Variants in FAT3 observed in about 807,000 individuals in gnomAD.
FAT3 encodes the protein FAT atypical cadherin 3.
A neutral mutation model predicts 310.2 loss-of-function variants in FAT3; 95 were observed. The observed-to-expected ratio is 0.31, with a 90% confidence interval of 0.26 to 0.36. The LOEUF (loss-of-function observed/expected upper bound fraction) is 0.36, where lower values mean the gene tolerates loss of function less well. Among genes scored for constraint, FAT3 ranks in the 10% least tolerant of loss-of-function variants. The pLI, the probability that FAT3 is intolerant of heterozygous loss-of-function variation, is 1.00. For missense variants in FAT3, 5,408 were observed against 5,715.6 expected (o/e 0.95, Z 1.74); for synonymous variants, 2,314 against 2,192.9 (o/e 1.06, Z -1.54).
At chr11:92,431,884 C>A (rs924228223) in intron 2 of FAT3, among the ~76,000 whole-genome samples, 5 of 152,118 alleles carry the variant, frequency 3.3e-5, no homozygotes, top group African/African-American at 7.2e-5. Context: ...CAGTACCATG[C>A]TGTTTTGGTT....
At chr11:92,582,832 C>T (rs1384226537) in intron 3 of FAT3, among the ~76,000 whole-genome samples, 1 of 151,970 alleles carries the variant, frequency 6.6e-6, no homozygotes, top group Non-Finnish European at 1.5e-5. Context: ...TTGGAAAATG[C>T]AATACTGTGA....
chr11:92,582,426 T>C (rs978250387), intron 3 of FAT3, among the ~76,000 whole-genome samples: 1 of 152,004 alleles, frequency 6.6e-6, no homozygotes, highest in Non-Finnish European at 1.5e-5. Flanking sequence ...TGTAATATCC[T>C]AAAATATTAT....
chr11:92,805,741 G>T (rs1947490021), intron 11 of FAT3, among the ~76,000 whole-genome samples: 1 of 152,054 alleles, frequency 6.6e-6, no homozygotes. Context: ...TGGCAATGTT[G>T]GTGCTGAACA....
At chr11:92,576,598 C>T (rs1428698415) in intron 3 of FAT3, among the ~76,000 whole-genome samples, 2 of 152,104 alleles carry the variant, frequency 1.3e-5, no homozygotes, top group Non-Finnish European at 2.9e-5. Flanking sequence ...GGGCAAAGCA[C>T]ACTGTTTACA....
chr11:92,410,483 G>A (rs936980671), intron 2 of FAT3, among the ~76,000 whole-genome samples: 2 of 152,128 alleles, frequency 1.3e-5, no homozygotes, highest in African/African-American at 4.8e-5. Context: ...AGATTATGAT[G>A]CGATGCCCTA....
At chr11:92,321,462 T>A (rs1947617652) in intron 1 of FAT3, among the ~76,000 whole-genome samples, 1 of 151,958 alleles carries the variant, frequency 6.6e-6, no homozygotes, top group African/African-American at 2.4e-5. Context: ...TTCTTGGTTG[T>A]TTTTAGGTCT....
intron 7 of FAT3, among the ~76,000 whole-genome samples, chr11:92,781,366 A>G (rs866422885): frequency 1.3e-5 from 2 of 151,542 alleles, no homozygotes; most frequent in South Asian, 4.2e-4. Context: ...GCCCGGCCAT[A>G]AGGCTCATTC....
At chr11:92,229,514 G>GTTTTTTTTTTTTTTTTT (rs1241053262) in intron 1 of FAT3, among the ~76,000 whole-genome samples, 2 of 59,310 alleles carry the variant, frequency 3.4e-5, no homozygotes, top group African/African-American at 6.2e-5. Flanking sequence ...TTTGTTTTTT[G>GTTTTTTTTTTTTTTTTT]TTTTTTTTTA....
intron 2 of FAT3, among the ~76,000 whole-genome samples, chr11:92,447,315 C>G (rs1951243379): frequency 6.6e-6 from 1 of 151,514 alleles, no homozygotes; most frequent in Non-Finnish European, 1.5e-5. Flanking sequence ...ATTCTTGCTC[C>G]ACTTTTCACT....
At chr11:92,555,576 C>G (rs1389867344) in intron 3 of FAT3, among the ~76,000 whole-genome samples, 1 of 152,168 alleles carries the variant, frequency 6.6e-6, no homozygotes, top group Non-Finnish European at 1.5e-5. Flanking sequence ...TCCTTTTCAG[C>G]TAACACCCAG....
At chr11:92,629,375 C>T (rs557866226) in intron 3 of FAT3, among the ~76,000 whole-genome samples, 2 of 150,722 alleles carry the variant, frequency 1.3e-5, no homozygotes, top group South Asian at 4.2e-4. Context: ...TCATCTGCCT[C>T]TTCTCTGTTG....
intron 3 of FAT3, among the ~76,000 whole-genome samples, chr11:92,667,816 A>G (rs540003081): frequency 6.6e-6 from 1 of 152,306 alleles, no homozygotes; most frequent in East Asian, 1.9e-4. Flanking sequence ...CTTTTCCCAT[A>G]GAAATGTCAT....
chr11:92,844,614 GGAACAGCATTGT>G lies in FAT3; in HGVS notation c.11250_11261del (p.His3752_Gln3755del), dbSNP rs1458958846. 6.2e-7 allele frequency: 1 copy of G among 1,613,412 alleles called. No homozygotes were observed. Among genetic ancestry groups the G allele is most frequent in the Non-Finnish European group, 8.5e-7 (1 of 1,179,742 alleles). ...AGAACTGCTCAGGGCTGGACTGTCA[GGAACAGCATTGT>G]GAGCAAGGCTTGTCACTCGATTCCC... On this transcript the variant is annotated inframe_deletion, in exon 19 of 28. Coordinates refer to ENST00000525166, the MANE Select transcript of FAT3 (RefSeq NM_001367949.2).
At chr11:92,701,265 G>A (rs914665699) in intron 4 of FAT3, among the ~76,000 whole-genome samples, 2 of 152,162 alleles carry the variant, frequency 1.3e-5, no homozygotes, top group Non-Finnish European at 2.9e-5. Context: ...TGATTTCTTG[G>A]TAGTTTGCTA....
chr11:92,248,121 A>G (rs1224046159), intron 1 of FAT3, among the ~76,000 whole-genome samples: 1 of 152,126 alleles, frequency 6.6e-6, no homozygotes, highest in African/African-American at 2.4e-5. Flanking sequence ...TTATCTTCCT[A>G]TTGCCCTCAT....
intron 9 of FAT3, among the ~76,000 whole-genome samples, chr11:92,795,422 AAAAC>A (rs1447966714): frequency 6.6e-6 from 1 of 152,210 alleles, no homozygotes; most frequent in African/African-American, 2.4e-5. Context: ...TAGATTCCAA[AAAAC>A]AAACAGAGGC....
At chr11:92,277,035 T>G (rs1401113561) in intron 1 of FAT3, among the ~76,000 whole-genome samples, 2 of 152,068 alleles carry the variant, frequency 1.3e-5, no homozygotes, top group African/African-American at 2.4e-5. Context: ...CCCACATACT[T>G]TTGCACCTAG....
intron 2 of FAT3, among the ~76,000 whole-genome samples, chr11:92,475,006 A>T (rs992054240): frequency 2.6e-5 from 4 of 152,166 alleles, no homozygotes; most frequent in African/African-American, 9.7e-5. Flanking sequence ...CCCTTCCCAC[A>T]TGCCCACTGG....
chr11:92,411,566 A>G (rs923597170), intron 2 of FAT3, among the ~76,000 whole-genome samples: 1 of 152,086 alleles, frequency 6.6e-6, no homozygotes, highest in South Asian at 2.1e-4. Flanking sequence ...TTCTGGTGAC[A>G]CTGAAAAACA....
Sources: gnomAD v4.1 joint callset for allele counts (sites outside exome capture counted in the v4.1 genomes callset) on GRCh38, gnomAD v4.1.1 for gene constraint, MANE v1.5 for transcripts, NCBI Gene and HGNC (gene_info 2026-07-23, HGNC 2026-07-21) for gene names.